The following FAM53A variants were observed in gnomAD, a reference collection of about 807,000 sequenced individuals.
The protein encoded by FAM53A is protein FAM53A.
A neutral mutation model predicts 26.6 loss-of-function variants in FAM53A; 28 were observed. The ratio of observed to expected loss-of-function variants is 1.05; its 90% CI spans 0.78 to 1.45. FAM53A has a LOEUF of 1.45. Ranked by LOEUF, FAM53A falls within the 40% of genes most tolerant of loss-of-function variation. The probability of loss-of-function intolerance (pLI) is 0.00; values close to 1 mark genes in which losing one functional copy is unlikely to be tolerated. For synonymous variants in FAM53A, 290 were observed against 253.1 expected, an observed-to-expected ratio of 1.15 and a Z score of -1.38; for missense variants, 650 against 575.8, an observed-to-expected ratio of 1.13 and a Z score of -1.32.
At position 1,681,234 on chromosome 4, in the gene FAM53A, T is replaced by C. The variant is rs544863935; in HGVS notation, c.-165+2999A>G. ...ACGTCAGCCTCCCAAGTAGCGGGGA[T>C]TGCAGGCACCCGCCACCACATCCAG... On this transcript the variant is annotated intron_variant, in intron 1 of 4. Coordinates refer to ENST00000308132, the MANE Select transcript of FAM53A (RefSeq NM_001174070.3). 2.0e-4 allele frequency among the ~76,000 whole-genome samples: 30 copies of C among 151,830 alleles called. No homozygotes were observed. The South Asian group carries it at 2.5e-3, about 13-fold the overall frequency.
chr4:1,661,369 T>A (rs1366086007), intron 2 of FAM53A, among the ~76,000 whole-genome samples: 1 of 152,128 alleles, frequency 6.6e-6, no homozygotes, highest in African/African-American at 2.4e-5. Context: ...CTCTACTTTT[T>A]TCCTGATGCA....
chr4:1,579,449 C>A, the FAM53A span, among the ~76,000 whole-genome samples: 1 of 152,122 alleles, frequency 6.6e-6, no homozygotes, highest in African/African-American at 2.4e-5. Context: ...TCCGCACTCG[C>A]CCCCTTGTCC....
chr4:1,578,429 C>T, the FAM53A span, among the ~76,000 whole-genome samples: 5 of 77,688 alleles, frequency 6.4e-5, no homozygotes, highest in Non-Finnish European at 1.2e-4. Context: ...GTGCCCGCAC[C>T]CGGTGTGTAG....
chr4:1,617,037 T>C (rs10034559), downstream of FAM53A, among the ~76,000 whole-genome samples: 4,885 of 151,180 alleles, frequency 0.032, 458 homozygotes, highest in East Asian at 0.24. Flanking sequence ...CTAAGGAGGC[T>C]GAGGCAGGAG....
In FAM53A at chr4:1,655,710, C is replaced by G; in HGVS notation, c.150G>C (p.Trp50Cys). Residue 50 changes from tryptophan (W) to cysteine (C), a missense_variant, in exon 4 of 5, where the codon TGG (tryptophan) becomes TGC (cysteine). Transcript: ENST00000308132. ...FPLELNDQSP[W>C]KVFSGGPPVR... The stretch of plus-strand genomic sequence containing the variant: ...CGGGCGGTCCTCCACTGAAGACCTT[C>G]CAGGGACTCTGGTCTACAAAAAAAG... The G allele has an allele frequency of 6.3e-7, 1 of 1,577,506 alleles. No homozygotes were observed.
At chr4:1,595,159 G>A in the FAM53A span, among the ~76,000 whole-genome samples, 1 of 152,222 alleles carries the variant, frequency 6.6e-6, no homozygotes, top group Non-Finnish European at 1.5e-5. Context: ...CGCAGCCACT[G>A]AAAGGACAGA....
chr4:1,655,795 A>C, intron 3 of FAM53A, 72 bp from the exon 4 acceptor site: 3 of 1,437,416 alleles, frequency 2.1e-6, no homozygotes, highest in Middle Eastern at 2.1e-4. Flanking sequence ...CCATCCCGGC[A>C]AACAGCCTGG....
chr4:1,684,974 G>A (rs959036037), upstream of FAM53A, among the ~76,000 whole-genome samples: 8 of 152,138 alleles, frequency 5.3e-5, no homozygotes, highest in Non-Finnish European at 8.8e-5. Flanking sequence ...CCCTGCAGAG[G>A]AGAGGGTGGC....
downstream of FAM53A, among the ~76,000 whole-genome samples, chr4:1,637,558 C>G (rs1465078443): frequency 6.6e-6 from 1 of 152,168 alleles, no homozygotes; most frequent in Non-Finnish European, 1.5e-5. Context: ...CTCTTCCCCT[C>G]AGGAGCCCTC....
Position 1,668,743 on chromosome 4 carries a change from G to A in FAM53A, c.-2C>T. 1 of 1,614,184 alleles carries A rather than the reference G, an allele frequency of 6.2e-7. No homozygotes were observed. Among genetic ancestry groups the A allele is most frequent in the Non-Finnish European group, 8.5e-7 (1 of 1,180,032 alleles). ...CTTCTCAGTGATGAGTGTGACCATG[G>A]TCGGGGCCCCGTGTCCTCCGTCCAC... On this transcript the variant is annotated 5_prime_UTR_variant, in exon 2 of 5. Coordinates refer to ENST00000308132, the MANE Select transcript of FAM53A (RefSeq NM_001174070.3).
intron 2 of FAM53A, among the ~76,000 whole-genome samples, chr4:1,658,429 CACTT>C (rs1404232334): frequency 6.6e-6 from 1 of 152,246 alleles, no homozygotes; most frequent in Non-Finnish European, 1.5e-5. Context: ...CAAACCTCAC[CACTT>C]ACTTACTTTT....
At chr4:1,604,681 G>A in the FAM53A span, among the ~76,000 whole-genome samples, 8 of 152,064 alleles carry the variant, frequency 5.3e-5, no homozygotes, top group Non-Finnish European at 8.8e-5. Context: ...CGACGGACAC[G>A]GCCATCCTCT....
rs112230772 is a variant in FAM53A at position 1,642,220 on chromosome 4, G to T, written c.883-613C>A. Among the ~76,000 whole-genome samples the T allele has an allele frequency of 5.3e-5, 8 of 152,274 alleles. 2 individuals carry two copies. Among genetic ancestry groups the T allele is most frequent in the African/African-American group, 1.7e-4 (7 of 41,554 alleles). On this transcript the variant is annotated intron_variant, in intron 4 of 4. Coordinates refer to ENST00000308132, the MANE Select transcript of FAM53A (RefSeq NM_001174070.3). ...TCCTCCCCTAATAGTTACTCTAATA[G>T]AAACACATGCAAATCCTTCTCATCT... is the stretch of plus-strand genomic sequence containing the variant.
At chr4:1,589,017 G>A in the FAM53A span, among the ~76,000 whole-genome samples, 6 of 152,224 alleles carry the variant, frequency 3.9e-5, no homozygotes, top group South Asian at 2.1e-4. Context: ...TCCTGGTGAC[G>A]AATTTGAGAA....
the FAM53A span, among the ~76,000 whole-genome samples, chr4:1,576,564 G>A: frequency 6.6e-6 from 1 of 152,260 alleles, no homozygotes; most frequent in African/African-American, 2.4e-5. Flanking sequence ...AATGAAAGGA[G>A]ATTGGAAAAC....
rs866972474 is a variant in FAM53A at position 1,643,585 on chromosome 4, G to A, written c.883-1978C>T. Among the ~76,000 whole-genome samples, 448 of 80,994 alleles carry A rather than the reference G, an allele frequency of 5.5e-3. 5 individuals carry two copies. Among genetic ancestry groups the A allele is most frequent in the African/African-American group, 0.02 (429 of 21,024 alleles). The allele number at this position is 80,994 out of a possible 152,430, so 53.1% of individuals were successfully genotyped here. On this transcript the variant is annotated intron_variant, in intron 4 of 4. Transcript: ENST00000308132. ...AAGAATAATTTTTTTTTTTTTTTTT[G>A]AGACAGGGTCTTGCTCTGTTTCCCA...
At chr4:1,590,829 T>C in the FAM53A span, among the ~76,000 whole-genome samples, 1 of 151,560 alleles carries the variant, frequency 6.6e-6, no homozygotes, top group Non-Finnish European at 1.5e-5. Flanking sequence ...TACTTTTGTA[T>C]ATTTAATCTA....
chr4:1,639,156 TC>T (rs1476195892), downstream of FAM53A, among the ~76,000 whole-genome samples: 23 of 152,052 alleles, frequency 1.5e-4, no homozygotes, highest in Admixed American at 9.2e-4. Context: ...CCCATTGCTG[TC>T]CAGATTGCCA....
At chr4:1,601,674 C>T in the FAM53A span, among the ~76,000 whole-genome samples, 1 of 110,454 alleles carries the variant, frequency 9.1e-6, no homozygotes, top group East Asian at 2.1e-4. Context: ...TCACCCATTC[C>T]CCAGGAGCAA....
Sources: allele counts gnomAD v4.1 joint callset (sites outside exome capture counted in the v4.1 genomes callset), GRCh38; gene constraint gnomAD v4.1.1; transcripts MANE v1.5; gene names NCBI Gene and HGNC (gene_info 2026-07-23, HGNC 2026-07-21).